AUTS2: variants seen among roughly 807,000 people sequenced by gnomAD.
AUTS2 encodes autism susceptibility gene 2 protein.
Under a neutral mutation model 112.4 loss-of-function variants are expected in AUTS2, and 17 were observed. The ratio of observed to expected loss-of-function variants is 0.15; its 90% CI spans 0.10 to 0.23. AUTS2 has a LOEUF of 0.23. Among genes scored for constraint, AUTS2 ranks in the 10% least tolerant of loss-of-function variants. AUTS2 has a pLI of 1.00. For missense variants in AUTS2, 1,510 were observed against 1,701.6 expected, an observed-to-expected ratio of 0.89 and a Z score of 1.98; for synonymous variants, 751 against 702.7, an observed-to-expected ratio of 1.07 and a Z score of -1.09.
At chr7:70,717,829 C>T (rs1810463635) in intron 6 of AUTS2, among the ~76,000 whole-genome samples, 1 of 152,142 alleles carries the variant, frequency 6.6e-6, no homozygotes, top group Admixed American at 6.5e-5. Flanking sequence ...AAATGCTACA[C>T]AGAGGTTTTT....
intron 4 of AUTS2, among the ~76,000 whole-genome samples, chr7:70,354,099 T>G (rs773053859): frequency 6.6e-6 from 1 of 152,244 alleles, no homozygotes; most frequent in African/African-American, 2.4e-5. Context: ...TCTGGCAACA[T>G]GGATCTTTCT....
At chr7:70,789,237 C>T (rs1791715571) in intron 18 of AUTS2, among the ~76,000 whole-genome samples, 2 of 152,174 alleles carry the variant, frequency 1.3e-5, no homozygotes, top group Admixed American at 1.3e-4. Context: ...GTCACTTGTC[C>T]TTGTAAGGAG....
At chr7:69,657,869 A>T (rs1205646526) in intron 1 of AUTS2, among the ~76,000 whole-genome samples, 1 of 152,222 alleles carries the variant, frequency 6.6e-6, no homozygotes, top group Non-Finnish European at 1.5e-5. Context: ...CTTTTGTCTT[A>T]AAAAGCAGGG....
chr7:69,783,468 G>A (rs980737325), intron 1 of AUTS2, among the ~76,000 whole-genome samples: 2 of 151,950 alleles, frequency 1.3e-5, no homozygotes, highest in Admixed American at 1.3e-4. Context: ...AGTTTCCTTG[G>A]CCGCTGCTGT....
At chr7:70,215,073 C>T (rs556632917) in intron 4 of AUTS2, among the ~76,000 whole-genome samples, 1 of 152,200 alleles carries the variant, frequency 6.6e-6, no homozygotes, top group East Asian at 1.9e-4. Flanking sequence ...TCCCTTGAGG[C>T]CAGGAGTTCA....
chr7:70,071,724 G>A (rs537929681), intron 2 of AUTS2, among the ~76,000 whole-genome samples: 3 of 152,158 alleles, frequency 2.0e-5, no homozygotes, highest in Non-Finnish European at 4.4e-5. Context: ...CATCAATTCA[G>A]ACACATTGCA....
chr7:69,825,802 G>A (rs1584300962), intron 1 of AUTS2: 2 of 152,278 alleles, frequency 1.3e-5, no homozygotes, highest in African/African-American at 2.4e-5. Context: ...GCCCAGCTTC[G>A]GAATGCTTGA....
intron 1 of AUTS2, among the ~76,000 whole-genome samples, chr7:69,712,032 C>T (rs889844378): frequency 6.6e-6 from 1 of 152,170 alleles, no homozygotes; most frequent in African/African-American, 2.4e-5. Context: ...CCTCCATAAG[C>T]CATATTTAGG....
intron 5 of AUTS2, among the ~76,000 whole-genome samples, chr7:70,665,578 G>C (rs1031125867): frequency 6.6e-6 from 1 of 152,110 alleles, no homozygotes; most frequent in Non-Finnish European, 1.5e-5. Context: ...TGGGATTACA[G>C]GCATGAGCCA....
chr7:69,940,525 G>GTGA (rs1409640586), intron 2 of AUTS2, among the ~76,000 whole-genome samples: 2 of 152,186 alleles, frequency 1.3e-5, no homozygotes, highest in Non-Finnish European at 2.9e-5. Flanking sequence ...GTGTCATGGA[G>GTGA]TGATGCCACA....
intron 5 of AUTS2, among the ~76,000 whole-genome samples, chr7:70,606,543 T>C (rs1453161772): frequency 6.6e-6 from 1 of 152,118 alleles, no homozygotes; most frequent in African/African-American, 2.4e-5. Flanking sequence ...CCATAAGCTT[T>C]TCAAAATCTT....
At chr7:70,759,952 G>A (rs976732850) in intron 6 of AUTS2, among the ~76,000 whole-genome samples, 3 of 152,080 alleles carry the variant, frequency 2.0e-5, no homozygotes, top group Non-Finnish European at 2.9e-5. Context: ...AAGATAGAAA[G>A]TATTTATTGA....
chr7:70,383,726 G>A (rs1408310714), intron 4 of AUTS2, among the ~76,000 whole-genome samples: 1 of 152,166 alleles, frequency 6.6e-6, no homozygotes, highest in African/African-American at 2.4e-5. Flanking sequence ...ATCTCCATAA[G>A]ACAAGCAAAA....
intron 1 of AUTS2, among the ~76,000 whole-genome samples, chr7:69,659,752 C>T (rs1341803754): frequency 3.3e-5 from 5 of 152,016 alleles, no homozygotes; most frequent in Admixed American, 6.6e-5. Flanking sequence ...TCAGTGGTTG[C>T]ATCCCAGAGA....
chr7:70,311,089 T>G (rs964015739), intron 4 of AUTS2, among the ~76,000 whole-genome samples: 17 of 152,188 alleles, frequency 1.1e-4, no homozygotes, highest in Admixed American at 1.1e-3. Context: ...TATGTCCCTA[T>G]AAGTGTGCTT....
At chr7:70,129,368 C>T (rs1806147124) in intron 3 of AUTS2, among the ~76,000 whole-genome samples, 2 of 152,082 alleles carry the variant, frequency 1.3e-5, no homozygotes, top group Admixed American at 1.3e-4. Flanking sequence ...TAAGTCTCAC[C>T]CATTTTAGGG....
chr7:70,716,423 GGAGATT>G (rs1379939963), intron 6 of AUTS2, among the ~76,000 whole-genome samples: 1 of 152,064 alleles, frequency 6.6e-6, no homozygotes, highest in Non-Finnish European at 1.5e-5. Context: ...CACGAGGTCA[GGAGATT>G]GAGACCATCC....
intron 2 of AUTS2, among the ~76,000 whole-genome samples, chr7:69,934,555 A>G (rs1397617659): frequency 1.3e-5 from 2 of 152,138 alleles, no homozygotes; most frequent in Non-Finnish European, 2.9e-5. Context: ...TTGGCTCAAA[A>G]TGCACCAGAC....
chr7:70,297,908 C>T (rs1246932973), intron 4 of AUTS2, among the ~76,000 whole-genome samples: 2 of 152,138 alleles, frequency 1.3e-5, no homozygotes, highest in Non-Finnish European at 2.9e-5. Flanking sequence ...TGAAATGTCT[C>T]CAGTTAAATC....
Sources: gnomAD v4.1 joint callset for allele counts (sites outside exome capture counted in the v4.1 genomes callset) on GRCh38, gnomAD v4.1.1 for gene constraint, MANE v1.5 for transcripts, NCBI Gene and HGNC (gene_info 2026-07-23, HGNC 2026-07-21) for gene names.